ITGA2: variants seen among roughly 807,000 people sequenced by gnomAD.
The protein encoded by ITGA2 is integrin subunit alpha 2.
In ITGA2, 101 loss-of-function variants were observed where a neutral mutation model predicts 146.3. The ratio of observed to expected loss-of-function variants is 0.69; its 90% CI spans 0.59 to 0.81. The LOEUF is 0.81. ITGA2 is among the 40% of genes least tolerant of loss of function. The pLI is 0.00. For synonymous variants in ITGA2, 477 were observed against 487.1 expected (o/e 0.98, Z 0.27); for missense variants, 1,281 against 1,402.7 (o/e 0.91, Z 1.39).
At chr5:53,048,527 A>C (rs757116036) in intron 5 of ITGA2, 50 bp downstream of exon 5, 2 of 1,608,016 alleles carry the variant, frequency 1.2e-6, no homozygotes, top group Admixed American at 1.7e-5. Flanking sequence ...CAGTTAAAGG[A>C]GGGGGAAAAG....
intron 1 of ITGA2, among the ~76,000 whole-genome samples, chr5:53,003,368 T>C (rs1453033886): frequency 6.6e-6 from 1 of 152,134 alleles, no homozygotes; most frequent in Non-Finnish European, 1.5e-5. Context: ...CACCCCAAAA[T>C]TTAGTGATAT....
At chr5:53,062,965 CT>C in intron 13 of ITGA2, 36 bp downstream of exon 13, 2 of 1,534,502 alleles carry the variant, frequency 1.3e-6, no homozygotes, top group Non-Finnish European at 8.9e-7. Context: ...GTTTAATTTG[CT>C]TTAGTACTGG....
intron 23 of ITGA2, among the ~76,000 whole-genome samples, chr5:53,077,958 AT>A (rs1200330787): frequency 1.3e-5 from 2 of 152,070 alleles, no homozygotes; most frequent in East Asian, 3.9e-4. Context: ...TCATCCCCTA[AT>A]CCCCCACGCA....
At chr5:53,050,741 G>T (rs1744317307) in intron 6 of ITGA2, among the ~76,000 whole-genome samples, 1 of 152,166 alleles carries the variant, frequency 6.6e-6, no homozygotes, top group Non-Finnish European at 1.5e-5. Context: ...TAGGATTAGG[G>T]AATGCTCCCA....
intron 1 of ITGA2, among the ~76,000 whole-genome samples, chr5:53,000,564 C>G (rs917969516): frequency 6.6e-6 from 1 of 152,092 alleles, no homozygotes; most frequent in African/African-American, 2.4e-5. Flanking sequence ...TTCTTTTATC[C>G]TATATTACTG....
At chr5:53,086,876 A>G in intron 27 of ITGA2, 76 bp from the exon 28 acceptor site, 4 of 1,167,298 alleles carry the variant, frequency 3.4e-6, no homozygotes, top group South Asian at 2.5e-5. Context: ...AAATAAATAC[A>G]TAAATCATAA....
chr5:53,018,281 C>G (rs993837972), intron 1 of ITGA2, among the ~76,000 whole-genome samples: 6 of 152,144 alleles, frequency 3.9e-5, no homozygotes, highest in African/African-American at 7.2e-5. Flanking sequence ...TCTGGGCTCC[C>G]CACTGGCTGG....
chr5:53,023,354 G>A (rs962492031), intron 1 of ITGA2, among the ~76,000 whole-genome samples: 6 of 152,174 alleles, frequency 3.9e-5, no homozygotes, highest in African/African-American at 1.2e-4. Context: ...TCCTCTTTAT[G>A]TAGTGAATTC....
At chr5:53,066,048 C>G in intron 15 of ITGA2, 71 bp downstream of exon 15, 2 of 1,415,574 alleles carry the variant, frequency 1.4e-6, no homozygotes, top group Admixed American at 1.7e-5. Flanking sequence ...GATGTCTGTA[C>G]TGGTATTATA....
At chr5:53,080,224 T>A (rs1561151796) in intron 24 of ITGA2, among the ~76,000 whole-genome samples, 1 of 152,146 alleles carries the variant, frequency 6.6e-6, no homozygotes, top group Non-Finnish European at 1.5e-5. Context: ...ATGCCCAGTG[T>A]TCCATTATTG....
At position 53,065,822 on chromosome 5, in the gene ITGA2, G is replaced by A. The variant is rs774924663; in HGVS notation, c.1807-19G>A. 2 of 1,611,582 alleles carry A rather than the reference G, an allele frequency of 1.2e-6. No homozygotes were observed. Among genetic ancestry groups the A allele is most frequent in the South Asian group, 1.1e-5 (1 of 91,050 alleles). On this transcript the variant is annotated intron_variant, in intron 14 of 29. Coordinates refer to ENST00000296585, the MANE Select transcript of ITGA2 (RefSeq NM_002203.4). ...CAGCTGTTGTGTACTATAATTTCGT[G>A]TCAAACCTGCTCTTTTAGAAAATCT...
At chr5:53,064,269 A>G (rs548208417) in intron 13 of ITGA2, among the ~76,000 whole-genome samples, 1 of 152,068 alleles carries the variant, frequency 6.6e-6, no homozygotes, top group Non-Finnish European at 1.5e-5. Context: ...AATTTTCACC[A>G]GAAAAATTTT....
At chr5:53,035,832 C>T (rs994074428) in intron 2 of ITGA2, among the ~76,000 whole-genome samples, 64 of 152,188 alleles carry the variant, frequency 4.2e-4, no homozygotes, top group African/African-American at 1.3e-3. Flanking sequence ...AAAATTTTTA[C>T]GTGCATGTAG....
At chr5:53,060,197 T>C (rs757030634) in intron 11 of ITGA2, among the ~76,000 whole-genome samples, 185 bp downstream of exon 11, 5 of 151,976 alleles carry the variant, frequency 3.3e-5, no homozygotes, top group Admixed American at 6.6e-5. Flanking sequence ...ATTGGAATAC[T>C]ATATTATACT....
chr5:53,057,844 ACTTT>A (rs902878834), intron 9 of ITGA2, among the ~76,000 whole-genome samples, 177 bp from the exon 10 acceptor site: 36 of 151,938 alleles, frequency 2.4e-4, no homozygotes, highest in African/African-American at 8.7e-4. Flanking sequence ...CTGCTAGAAC[ACTTT>A]CTTAGTAATT....
intron 8 of ITGA2, 70 bp from the exon 9 acceptor site, chr5:53,055,914 A>C: frequency 1.4e-6 from 2 of 1,438,796 alleles, no homozygotes; most frequent in Non-Finnish European, 1.9e-6. Flanking sequence ...TGTTCAAAAT[A>C]GGCTAGAATG....
At chr5:53,062,044 G>A (rs1299565659) in intron 12 of ITGA2, among the ~76,000 whole-genome samples, 1 of 151,794 alleles carries the variant, frequency 6.6e-6, no homozygotes, top group Non-Finnish European at 1.5e-5. Flanking sequence ...GTTCACATAG[G>A]CATGCATTGA....
intron 26 of ITGA2, 37 bp downstream of exon 26, chr5:53,081,733 C>A: frequency 3.7e-6 from 5 of 1,358,418 alleles, no homozygotes; most frequent in Non-Finnish European, 5.2e-6. Context: ...TCCCCTCATT[C>A]ATTTATTTCA....
In ITGA2 at chr5:53,007,190, G is replaced by A. The variant is rs35627098; in HGVS notation, c.64+17658G>A. On this transcript the variant is annotated intron_variant, in intron 1 of 29. Transcript: ENST00000296585. Reference sequence around the variant, plus strand: ...GCCCCAAACTAGGAAAAAACGAGTTGCATAAGTGTGTCAGGCAATCAGTTG... The same window carrying A: ...GCCCCAAACTAGGAAAAAACGAGTTACATAAGTGTGTCAGGCAATCAGTTG... Among the ~76,000 whole-genome samples, 1,138 of 152,250 alleles carry A rather than the reference G, an allele frequency of 7.5e-3. 14 individuals are homozygous for A. Among genetic ancestry groups the A allele is most frequent in the Non-Finnish European group, 0.011 (759 of 67,996 alleles).
Sources: allele counts gnomAD v4.1 joint callset (sites outside exome capture counted in the v4.1 genomes callset), GRCh38; gene constraint gnomAD v4.1.1; transcripts MANE v1.5; gene names NCBI Gene and HGNC (gene_info 2026-07-23, HGNC 2026-07-21).